Variants in DGKB observed in about 807,000 individuals in gnomAD.
DGKB encodes the protein diacylglycerol kinase beta.
In DGKB, 67 loss-of-function variants were observed where a neutral mutation model predicts 114.3. The observed-to-expected ratio is 0.59, with a 90% CI of 0.48 to 0.72. The LOEUF (loss-of-function observed/expected upper bound fraction) is 0.72, where lower values mean the gene tolerates loss of function less well. DGKB is among the 30% of genes least tolerant of loss of function. DGKB has a pLI of 0.00. For synonymous variants in DGKB, 398 were observed against 323.1 expected, an observed-to-expected ratio of 1.23 and a Z score of -2.49; for missense variants, 907 against 975.2, an observed-to-expected ratio of 0.93 and a Z score of 0.93.
intron 25 of DGKB, among the ~76,000 whole-genome samples, chr7:14,151,877 A>G (rs560592160): frequency 1.3e-5 from 2 of 152,120 alleles, no homozygotes; most frequent in African/African-American, 4.8e-5. Context: ...GGATATTTAC[A>G]TGTCTTGGTA....
intron 1 of DGKB, among the ~76,000 whole-genome samples, chr7:14,951,120 C>A (rs1348908087): frequency 6.8e-6 from 1 of 147,946 alleles, no homozygotes; most frequent in Non-Finnish European, 1.5e-5. Context: ...TAAAGGGCAT[C>A]TATAAATTCC....
At chr7:14,619,772 GA>G (rs1428350345) in intron 15 of DGKB, among the ~76,000 whole-genome samples, 1 of 151,574 alleles carries the variant, frequency 6.6e-6, no homozygotes, top group African/African-American at 2.4e-5. Flanking sequence ...ACATGATTTT[GA>G]AAATGATGAT....
At chr7:14,866,479 T>C (rs977657051) in intron 1 of DGKB, among the ~76,000 whole-genome samples, 1 of 152,226 alleles carries the variant, frequency 6.6e-6, no homozygotes, top group Non-Finnish European at 1.5e-5. Context: ...CAGAATGTTA[T>C]ATACACTTAG....
intron 13 of DGKB, among the ~76,000 whole-genome samples, chr7:14,664,596 A>G (rs1015904018): frequency 2.0e-5 from 3 of 151,952 alleles, no homozygotes; most frequent in African/African-American, 7.2e-5. Context: ...CACACTATGT[A>G]CTCTCTTGTC....
chr7:14,430,314 T>C (rs1467221595), intron 21 of DGKB, among the ~76,000 whole-genome samples: 1 of 152,204 alleles, frequency 6.6e-6, no homozygotes, highest in Non-Finnish European at 1.5e-5. Flanking sequence ...TGTTAGATTG[T>C]TAATTTTTGA....
chr7:14,927,365 T>C (rs192914953), intron 1 of DGKB, among the ~76,000 whole-genome samples: 98 of 152,192 alleles, frequency 6.4e-4, no homozygotes, highest in African/African-American at 2.3e-3. Context: ...TTTAACTTTT[T>C]TGTTTGTTTG....
chr7:14,619,079 T>C (rs1423107513), intron 15 of DGKB, among the ~76,000 whole-genome samples: 1 of 151,574 alleles, frequency 6.6e-6, no homozygotes, highest in Non-Finnish European at 1.5e-5. Context: ...GCTATATATG[T>C]GTATTCTATT....
intron 23 of DGKB, among the ~76,000 whole-genome samples, chr7:14,323,133 C>T (rs1041209566): frequency 5.3e-5 from 8 of 151,914 alleles, no homozygotes; most frequent in South Asian, 2.1e-4. Flanking sequence ...GAAAAAGCTG[C>T]GTACTCATAA....
intron 21 of DGKB, among the ~76,000 whole-genome samples, chr7:14,391,435 A>G (rs1383950212): frequency 6.6e-6 from 1 of 151,658 alleles, no homozygotes; most frequent in Non-Finnish European, 1.5e-5. Flanking sequence ...GTAATCCCAG[A>G]TTTTGAGAGG....
At chr7:14,742,345 A>G (rs1832698806) in intron 4 of DGKB, among the ~76,000 whole-genome samples, 1 of 152,228 alleles carries the variant, frequency 6.6e-6, no homozygotes, top group South Asian at 2.1e-4. Context: ...TTTATATAAA[A>G]GCACTCTAAT....
intron 21 of DGKB, among the ~76,000 whole-genome samples, chr7:14,392,938 G>A (rs1821542816): frequency 6.6e-6 from 1 of 151,088 alleles, no homozygotes; most frequent in African/African-American, 2.4e-5. Context: ...AAGCATTTCA[G>A]GGAAGGGCTC....
intron 6 of DGKB, among the ~76,000 whole-genome samples, chr7:14,704,724 G>C (rs12381312): frequency 1.3e-5 from 2 of 150,860 alleles, no homozygotes; most frequent in Non-Finnish European, 3.0e-5. Context: ...CACCTCACAC[G>C]GCAGGGTATT....
intron 2 of DGKB, among the ~76,000 whole-genome samples, chr7:14,827,162 C>T (rs1845812889): frequency 6.6e-6 from 1 of 152,124 alleles, no homozygotes; most frequent in Non-Finnish European, 1.5e-5. Context: ...CCTGTGTATT[C>T]TAGGTGTATT....
chr7:14,770,043 T>G (rs1046500979), intron 2 of DGKB, among the ~76,000 whole-genome samples: 1 of 152,110 alleles, frequency 6.6e-6, no homozygotes, highest in Non-Finnish European at 1.5e-5. Context: ...AAGTGGAAAC[T>G]AATTGAACTC....
rs979982771 is a variant in DGKB, at chr7:14,654,602, G to T, written c.1134+18327C>A. 2.0e-5 allele frequency among the ~76,000 whole-genome samples: 3 copies of T among 151,836 alleles called. No individual in the cohort carries two copies. The South Asian group carries it at 6.2e-4, about 32-fold the overall frequency. On this transcript the variant is annotated intron_variant, in intron 13 of 25. Transcript: ENST00000402815. ...TCAAAGTAATACTGAGCAAAGGGAG[G>T]AATAACACTATGTGACTTCCAAGTA...
chr7:14,233,125 G>A (rs1261135750), intron 23 of DGKB, among the ~76,000 whole-genome samples: 1 of 151,940 alleles, frequency 6.6e-6, no homozygotes, highest in African/African-American at 2.4e-5. Context: ...AGACAGAGGG[G>A]AACACACTGA....
intron 13 of DGKB, among the ~76,000 whole-genome samples, chr7:14,636,570 G>A (rs1234672421): frequency 1.3e-5 from 2 of 151,650 alleles, no homozygotes; most frequent in African/African-American, 4.8e-5. Context: ...TACATACATC[G>A]GTGTGTGTCA....
chr7:14,830,510 C>A (rs1846268801), intron 2 of DGKB, among the ~76,000 whole-genome samples: 1 of 152,082 alleles, frequency 6.6e-6, no homozygotes, highest in Admixed American at 6.6e-5. Flanking sequence ...TAGTTACTAG[C>A]ATTTTATTCC....
chr7:14,221,019 G>A (rs1789849620), intron 23 of DGKB, among the ~76,000 whole-genome samples: 3 of 151,010 alleles, frequency 2.0e-5, no homozygotes, highest in African/African-American at 7.3e-5. Context: ...TTGATCTTGT[G>A]ACTTATAAGC....
Sources: gnomAD v4.1 joint callset for allele counts (sites outside exome capture counted in the v4.1 genomes callset) on GRCh38, gnomAD v4.1.1 for gene constraint, MANE v1.5 for transcripts, NCBI Gene and HGNC (gene_info 2026-07-23, HGNC 2026-07-21) for gene names.